The following PLD1 variants were observed in gnomAD, a reference collection of about 807,000 sequenced individuals.
PLD1 encodes the protein phospholipase D1, also known as choline phosphatase 1.
A neutral mutation model predicts 137.1 loss-of-function variants in PLD1; 112 were observed. That is an observed-to-expected ratio of 0.82 (90% CI 0.70 to 0.96). The LOEUF (loss-of-function observed/expected upper bound fraction) is 0.96, where lower values mean the gene tolerates loss of function less well. Ranked by LOEUF, PLD1 falls within the 40% of genes least tolerant of loss-of-function variation. The probability of loss-of-function intolerance (pLI) is 0.00; values close to 1 mark genes in which losing one functional copy is unlikely to be tolerated. For synonymous variants in PLD1, 431 were observed against 454.7 expected, an observed-to-expected ratio of 0.95 and a Z score of 0.66; for missense variants, 1,321 against 1,342.0, an observed-to-expected ratio of 0.98 and a Z score of 0.24.
At chr3:171,797,171 T>G (rs529058532) in intron 1 of PLD1, among the ~76,000 whole-genome samples, 1 of 152,226 alleles carries the variant, frequency 6.6e-6, no homozygotes, top group South Asian at 2.1e-4. Flanking sequence ...TAGAGTGTCA[T>G]CTCCAAAATG....
chr3:171,778,718 C>T (rs1421554021), intron 1 of PLD1, among the ~76,000 whole-genome samples: 1 of 152,148 alleles, frequency 6.6e-6, no homozygotes. Flanking sequence ...AAAGAAAGGG[C>T]AACAGTAGAG....
intron 22 of PLD1, among the ~76,000 whole-genome samples, chr3:171,643,800 T>A (rs1331926459): frequency 6.6e-6 from 1 of 152,064 alleles, no homozygotes; most frequent in Non-Finnish European, 1.5e-5. Flanking sequence ...TCAGTCCAAG[T>A]ATATAGGCCA....
At position 171,647,725 on chromosome 3, in the gene PLD1, G is replaced by A. The variant is rs369730254; in HGVS notation, c.2430-2702C>T. ...CTCCCAAAGTGCTGGGCTTACAGGAGTGAGCCACCGCGCCCAGCCCCCATT... is the reference window on the plus strand; with the variant it reads ...CTCCCAAAGTGCTGGGCTTACAGGAATGAGCCACCGCGCCCAGCCCCCATT... On this transcript the variant is annotated intron_variant, in intron 21 of 26. Coordinates refer to ENST00000351298, the MANE Select transcript of PLD1 (RefSeq NM_002662.5). Among the ~76,000 whole-genome samples the A allele has an allele frequency of 7.2e-5, 11 of 152,268 alleles. No homozygotes were observed. In the South Asian group the frequency reaches 8.3e-4, roughly 11 times the overall value.
intron 1 of PLD1, among the ~76,000 whole-genome samples, chr3:171,802,208 C>T (rs1723677142): frequency 6.6e-6 from 1 of 152,166 alleles, no homozygotes; most frequent in African/African-American, 2.4e-5. Flanking sequence ...TACTACATGT[C>T]AGGAAAGTCC....
intron 1 of PLD1, among the ~76,000 whole-genome samples, chr3:171,774,875 C>T (rs894726039): frequency 3.3e-5 from 5 of 152,118 alleles, no homozygotes; most frequent in African/African-American, 7.2e-5. Flanking sequence ...TTGAGGTCCT[C>T]TGAGCTGTTC....
intron 12 of PLD1, among the ~76,000 whole-genome samples, chr3:171,698,976 CAAA>C (rs559343815): frequency 5.2e-5 from 4 of 77,226 alleles, no homozygotes; most frequent in Admixed American, 1.3e-4. Context: ...AACCCCATCT[CAAA>C]AAAAAAAAAA....
intron 21 of PLD1, among the ~76,000 whole-genome samples, chr3:171,646,149 T>C (rs1447680933): frequency 6.6e-6 from 1 of 152,136 alleles, no homozygotes; most frequent in South Asian, 2.1e-4. Flanking sequence ...AACGTTCTTG[T>C]CTCTATTTAT....
intron 19 of PLD1, among the ~76,000 whole-genome samples, chr3:171,667,815 G>T (rs192106301): frequency 1.4e-3 from 214 of 152,338 alleles, no homozygotes; most frequent in African/African-American, 5.0e-3. Context: ...ACAATGGCGT[G>T]ATCTCTGCTC....
At chr3:171,732,847 C>A (rs188826656) in intron 6 of PLD1, among the ~76,000 whole-genome samples, 1 of 152,180 alleles carries the variant, frequency 6.6e-6, no homozygotes, top group African/African-American at 2.4e-5. Flanking sequence ...AACCCACTCC[C>A]TCCCTGCTTG....
chr3:171,796,115 C>T (rs1560307832), intron 1 of PLD1, among the ~76,000 whole-genome samples: 1 of 152,210 alleles, frequency 6.6e-6, no homozygotes, highest in South Asian at 2.1e-4. Context: ...GTTCCCCAAA[C>T]ATTTGCTGTC....
chr3:171,801,696 C>T lies in PLD1; in HGVS notation c.-32+8703G>A, dbSNP rs1723652977. 2.0e-5 allele frequency among the ~76,000 whole-genome samples: 3 copies of T among 152,116 alleles called. No homozygotes were observed. The South Asian group carries it at 6.2e-4, about 32-fold the overall frequency. The stretch of plus-strand genomic sequence containing the variant: ...TACCTGCCTCAGCCTTCCAAAGTGC[C>T]GGGATAACAGGCATGAGCCACTGTG... On this transcript the variant is annotated intron_variant, in intron 1 of 26. Coordinates refer to ENST00000351298, the MANE Select transcript of PLD1 (RefSeq NM_002662.5).
At chr3:171,611,503 T>C (rs1732655457) in intron 25 of PLD1, 3 of 482,976 alleles carry the variant, frequency 6.2e-6, no homozygotes, top group African/African-American at 2.0e-5. Flanking sequence ...AATGGACTTA[T>C]TTAGGATCGC....
Position 171,709,669 on chromosome 3 carries a change from A to G in PLD1, c.952T>C (p.Trp318Arg), listed in dbSNP as rs745402224. The change falls in exon 10 of 27, where the codon TGG (tryptophan) becomes CGG (arginine). Residue 318 changes from tryptophan to arginine, a missense_variant. Trp to Arg is a moderately radical substitution (Grantham distance 101). Transcript: ENST00000351298. Reference protein sequence around the residue: ...LKCNSYRHARWWGGAIEEFIQ... With the variant: ...LKCNSYRHARRWGGAIEEFIQ... ...AATTCTTCTATAGCCCCTCCCCACC[A>G]CCGAGCATGTCTATAGCTGTTGCAT... The G allele has an allele frequency of 8.7e-6, 14 of 1,613,826 alleles. No individual in the cohort carries two copies.
intron 8 of PLD1, among the ~76,000 whole-genome samples, chr3:171,722,716 C>T (rs765347941): frequency 5.3e-5 from 8 of 152,082 alleles, no homozygotes; most frequent in Non-Finnish European, 1.0e-4. Flanking sequence ...ATAAAACGTA[C>T]CTTTTAAAAG....
At chr3:171,620,248 G>T (rs1733472399) in intron 24 of PLD1, 138 bp downstream of exon 24, 1 of 555,388 alleles carries the variant, frequency 1.8e-6, no homozygotes, top group Non-Finnish European at 3.2e-6. Flanking sequence ...GAAGAGGATG[G>T]CTTCAGAAAT....
At chr3:171,638,596 G>C (rs943994843) in intron 23 of PLD1, among the ~76,000 whole-genome samples, 1 of 152,140 alleles carries the variant, frequency 6.6e-6, no homozygotes, top group African/African-American at 2.4e-5. Context: ...AAGCCACTGG[G>C]CCAGGGCTTT....
At chr3:171,692,144 G>A (rs537767312) in intron 13 of PLD1, among the ~76,000 whole-genome samples, 188 bp downstream of exon 13, 1 of 152,232 alleles carries the variant, frequency 6.6e-6, no homozygotes, top group East Asian at 1.9e-4. Flanking sequence ...TGTGAGATCT[G>A]CTTACCCCCA....
intron 17 of PLD1, 74 bp downstream of exon 17, chr3:171,677,492 C>T (rs901992312): frequency 7.1e-7 from 1 of 1,403,178 alleles, no homozygotes. Flanking sequence ...TTAGATCATG[C>T]ACATGTATAC....
intron 13 of PLD1, among the ~76,000 whole-genome samples, chr3:171,689,614 C>G (rs1714946957): frequency 6.6e-6 from 1 of 152,116 alleles, no homozygotes; most frequent in Non-Finnish European, 1.5e-5. Flanking sequence ...GATCCTTCTG[C>G]CTCAGCCTCC....
Sources: allele counts gnomAD v4.1 joint callset (sites outside exome capture counted in the v4.1 genomes callset), GRCh38; gene constraint gnomAD v4.1.1; transcripts MANE v1.5; gene names NCBI Gene and HGNC (gene_info 2026-07-23, HGNC 2026-07-21).